The following FOXP1 variants were observed in gnomAD, a reference collection of about 807,000 sequenced individuals.
FOXP1 encodes the protein forkhead box P1.
A neutral mutation model predicts 98.2 loss-of-function variants in FOXP1; 15 were observed. The ratio of observed to expected loss-of-function variants is 0.15; its 90% CI spans 0.10 to 0.24. FOXP1 has a LOEUF of 0.24. Ranked by LOEUF, FOXP1 falls within the 10% of genes least tolerant of loss-of-function variation. The pLI is 1.00. For synonymous variants in FOXP1, 371 were observed against 314.5 expected (o/e 1.18, Z -1.90); for missense variants, 633 against 848.5 (o/e 0.75, Z 3.15).
intron 2 of FOXP1, among the ~76,000 whole-genome samples, chr3:71,505,283 C>T (rs929932892): frequency 6.6e-6 from 1 of 152,228 alleles, no homozygotes; most frequent in South Asian, 2.1e-4. Context: ...AAGCAAGGAC[C>T]CAAGTCACCC....
In FOXP1 at chr3:70,958,283, A is replaced by G; in HGVS notation, c.*964T>C. ...CCCCCAATACTGCTGCGTGGAATGA[A>G]TCGGCATTGTTCCTAGAGTTTGTCT... On this transcript the variant is annotated 3_prime_UTR_variant, in exon 21 of 21. Coordinates refer to ENST00000649528, the MANE Select transcript of FOXP1 (RefSeq NM_001349338.3). The G allele has an allele frequency of 1.9e-6, 1 of 536,170 alleles. No individual in the cohort carries two copies. Among genetic ancestry groups the G allele is most frequent in the Non-Finnish European group, 3.6e-6 (1 of 276,496 alleles). The allele number at this position is 536,170 out of a possible 1,614,324, so 33.2% of individuals were successfully genotyped here. A position where few individuals can be genotyped will look rare whatever the true frequency, so the allele number is the denominator to read the frequency against.
At chr3:71,468,465 C>T (rs534281152) in intron 3 of FOXP1, among the ~76,000 whole-genome samples, 4 of 152,174 alleles carry the variant, frequency 2.6e-5, no homozygotes, top group African/African-American at 4.8e-5. Context: ...CTCTTCGACA[C>T]GTGATACCTT....
intron 13 of FOXP1, among the ~76,000 whole-genome samples, chr3:70,995,356 G>C (rs1029266605): frequency 2.6e-5 from 4 of 152,190 alleles, no homozygotes; most frequent in African/African-American, 9.7e-5. Flanking sequence ...CTCTGTCATG[G>C]TGGGGGTGGA....
intron 5 of FOXP1, among the ~76,000 whole-genome samples, chr3:71,212,497 C>A (rs1021155504): frequency 6.6e-6 from 1 of 152,174 alleles, no homozygotes; most frequent in Admixed American, 6.5e-5. Context: ...ATGGGTATTA[C>A]GCTTGTAGAA....
intron 3 of FOXP1, among the ~76,000 whole-genome samples, chr3:71,398,233 A>G (rs756098342): frequency 2.6e-5 from 4 of 152,216 alleles, no homozygotes; most frequent in Non-Finnish European, 4.4e-5. Flanking sequence ...TGTCAAGTCG[A>G]TGTGTGCAAT....
At chr3:71,215,669 A>C (rs1264257947) in intron 5 of FOXP1, among the ~76,000 whole-genome samples, 1 of 151,824 alleles carries the variant, frequency 6.6e-6, no homozygotes, top group East Asian at 1.9e-4. Context: ...TTAAAGAAAA[A>C]AATGTGTTTT....
intron 5 of FOXP1, among the ~76,000 whole-genome samples, chr3:71,248,955 G>A (rs977815075): frequency 1.3e-5 from 2 of 152,182 alleles, no homozygotes; most frequent in Non-Finnish European, 2.9e-5. Context: ...GTAGGAAGGA[G>A]AAAGAGCTGC....
chr3:71,338,342 T>A (rs531790112), intron 4 of FOXP1, among the ~76,000 whole-genome samples: 1 of 152,292 alleles, frequency 6.6e-6, no homozygotes, highest in South Asian at 2.1e-4. Context: ...AGTGGATAAT[T>A]ATGAGGGACG....
At chr3:71,241,177 T>C (rs939923756) in intron 5 of FOXP1, among the ~76,000 whole-genome samples, 1 of 151,462 alleles carries the variant, frequency 6.6e-6, no homozygotes, top group African/African-American at 2.4e-5. Context: ...ACCATTGCAC[T>C]CTAGCCCAGG....
intron 3 of FOXP1, among the ~76,000 whole-genome samples, chr3:71,421,465 G>A (rs979067480): frequency 7.2e-5 from 11 of 152,020 alleles, no homozygotes; most frequent in East Asian, 1.9e-4. Context: ...CACCAAAATC[G>A]CTTGTGTTTC....
intron 3 of FOXP1, among the ~76,000 whole-genome samples, chr3:71,444,733 C>T (rs1269138448): frequency 6.6e-6 from 1 of 152,162 alleles, no homozygotes; most frequent in Non-Finnish European, 1.5e-5. Flanking sequence ...CTGGCCTACC[C>T]AAGGCTCAGA....
At chr3:71,386,840 T>C (rs759129050) in intron 3 of FOXP1, among the ~76,000 whole-genome samples, 19 of 151,656 alleles carry the variant, frequency 1.3e-4, no homozygotes, top group Non-Finnish European at 2.1e-4. Flanking sequence ...GCCTTGCCCA[T>C]AGCAAATGTT....
chr3:71,313,646 C>T (rs532681128), intron 4 of FOXP1, among the ~76,000 whole-genome samples: 6 of 152,136 alleles, frequency 3.9e-5, no homozygotes, highest in Non-Finnish European at 8.8e-5. Flanking sequence ...CTGCCTCAGC[C>T]TCCCGATTAG....
chr3:71,249,255 A>C (rs531191079), intron 5 of FOXP1, among the ~76,000 whole-genome samples: 127 of 152,378 alleles, frequency 8.3e-4, no homozygotes, highest in Non-Finnish European at 1.5e-3. Flanking sequence ...CAACCCAGCA[A>C]ACAGGGCCTT....
chr3:71,502,839 T>C (rs571164484), intron 2 of FOXP1, among the ~76,000 whole-genome samples: 13 of 152,340 alleles, frequency 8.5e-5, no homozygotes, highest in Admixed American at 2.6e-4. Context: ...TAAGGTTATG[T>C]AACCGGCATA....
At chr3:71,367,389 G>A (rs982299718) in intron 3 of FOXP1, among the ~76,000 whole-genome samples, 3 of 152,148 alleles carry the variant, frequency 2.0e-5, no homozygotes, top group Non-Finnish European at 2.9e-5. Context: ...TCCCAGTAGT[G>A]TCAGAACAGG....
chr3:71,203,325 C>T (rs1377336010), intron 5 of FOXP1, among the ~76,000 whole-genome samples: 1 of 152,154 alleles, frequency 6.6e-6, no homozygotes, highest in Non-Finnish European at 1.5e-5. Context: ...TTCAAAGGTT[C>T]GATTTTTGTG....
At chr3:71,134,336 C>T (rs191930861) in intron 6 of FOXP1, among the ~76,000 whole-genome samples, 1 of 152,082 alleles carries the variant, frequency 6.6e-6, no homozygotes, top group Non-Finnish European at 1.5e-5. Context: ...ACAAATGTAA[C>T]CAAGGCTGGA....
chr3:70,982,694 C>CT (rs1194761336), intron 14 of FOXP1, among the ~76,000 whole-genome samples: 4,610 of 144,458 alleles, frequency 0.032, 217 homozygotes, highest in African/African-American at 0.11. Context: ...TGCTTAGTCC[C>CT]TTTTTTTTTT....
Sources: allele counts gnomAD v4.1 joint callset (sites outside exome capture counted in the v4.1 genomes callset), GRCh38; gene constraint gnomAD v4.1.1; transcripts MANE v1.5; gene names NCBI Gene and HGNC (gene_info 2026-07-23, HGNC 2026-07-21).